Variants in DPY19L4 observed in about 807,000 individuals in gnomAD.
The protein encoded by DPY19L4 is dpy-19 like 4, also known as probable C-mannosyltransferase DPY19L4.
DPY19L4 carries 97 observed loss-of-function variants against 102.8 expected under a neutral mutation model. The observed-to-expected ratio is 0.94, with a 90% CI of 0.80 to 1.12. The LOEUF (loss-of-function observed/expected upper bound fraction) is 1.12, where lower values mean the gene tolerates loss of function less well. Ranked by LOEUF, DPY19L4 falls within the 50% of genes most tolerant of loss-of-function variation. The pLI is 0.00. For missense variants in DPY19L4, 815 were observed against 850.4 expected, an observed-to-expected ratio of 0.96 and a Z score of 0.52; for synonymous variants, 252 against 283.1, an observed-to-expected ratio of 0.89 and a Z score of 1.10.
rs761228947 is a variant in DPY19L4 at position 94,739,657 on chromosome 8, C to T, written c.478C>T (p.Pro160Ser). Residue 160 changes from proline to serine, a missense_variant, in exon 6 of 19, where the codon CCA becomes TCA. By Grantham distance (74) the Pro-to-Ser change is moderately conservative. Coordinates refer to ENST00000414645, the MANE Select transcript of DPY19L4 (RefSeq NM_181787.3). ...TTTTTCCACATAGGAGATTATTGAG[C>T]CAGTGTATTTCTATATTGGCATTGT... Reference protein sequence around the residue: ...QATGSNEIIEPVYFYIGIVFG... With the variant: ...QATGSNEIIESVYFYIGIVFG... 1 of 1,613,856 alleles carries T rather than the reference C, an allele frequency of 6.2e-7. No homozygotes were observed. Among genetic ancestry groups the T allele is most frequent in the Admixed American group, 1.7e-5 (1 of 59,992 alleles).
intron 1 of DPY19L4, among the ~76,000 whole-genome samples, chr8:94,722,589 TAA>T (rs1354700847): frequency 1.3e-5 from 2 of 152,180 alleles, no homozygotes; most frequent in African/African-American, 4.8e-5. Context: ...TGCAAGGATA[TAA>T]TAGTCAACAA....
At chr8:94,720,114 G>A in intron 1 of DPY19L4, 100 bp downstream of exon 1, 1 of 1,408,718 alleles carries the variant, frequency 7.1e-7, no homozygotes, top group Non-Finnish European at 9.2e-7. Context: ...GGTGGCCGCG[G>A]TCGCGGTGGC....
At chr8:94,750,579 A>G (rs911401538) in intron 6 of DPY19L4, among the ~76,000 whole-genome samples, 69 of 151,304 alleles carry the variant, frequency 4.6e-4, no homozygotes, top group East Asian at 5.8e-4. Flanking sequence ...GTGTGTGTGT[A>G]TATATATGCA....
At chr8:94,756,260 A>G in intron 7 of DPY19L4, 101 bp downstream of exon 7, 1 of 1,443,378 alleles carries the variant, frequency 6.9e-7, no homozygotes, top group Non-Finnish European at 9.3e-7. Flanking sequence ...GAATTAAATC[A>G]TATTTAATGA....
At position 94,783,689 on chromosome 8, in the gene DPY19L4, G is replaced by A; in HGVS notation, c.1735G>A (p.Ala579Thr). 1 of 1,613,984 alleles carries A rather than the reference G, an allele frequency of 6.2e-7. No homozygotes were observed. Among genetic ancestry groups the A allele is most frequent in the Non-Finnish European group, 8.5e-7 (1 of 1,179,970 alleles). Residue 579 changes from alanine to threonine, a missense_variant, in exon 17 of 19, where the codon GCT becomes ACT. By Grantham distance (58) the Ala-to-Thr change is moderately conservative. Coordinates refer to ENST00000414645, the MANE Select transcript of DPY19L4 (RefSeq NM_181787.3). The part of the protein sequence containing the change: ...TWIKRQAPVA[A>T]VFAGSPQLMG... ...TTGCAGAAGGCAAGCTCCAGTTGCA[G>A]CTGTGTTTGCAGGGAGTCCACAGTT...
At chr8:94,784,027 T>C (rs895753498) in intron 17 of DPY19L4, among the ~76,000 whole-genome samples, 2 of 152,234 alleles carry the variant, frequency 1.3e-5, no homozygotes, top group South Asian at 4.1e-4. Flanking sequence ...AATACTGATA[T>C]GTTTCTAGGA....
chr8:94,765,484 C>G (rs1333748921), intron 9 of DPY19L4, among the ~76,000 whole-genome samples, 170 bp downstream of exon 9: 1 of 151,870 alleles, frequency 6.6e-6, no homozygotes, highest in African/African-American at 2.4e-5. Context: ...TACAAGCATG[C>G]GCCACCACAC....
intron 6 of DPY19L4, among the ~76,000 whole-genome samples, chr8:94,753,962 G>T (rs1463953220): frequency 6.6e-6 from 1 of 152,034 alleles, no homozygotes; most frequent in Non-Finnish European, 1.5e-5. Flanking sequence ...CAGGCAGATT[G>T]TTTGAACCCA....
intron 6 of DPY19L4, among the ~76,000 whole-genome samples, chr8:94,755,517 T>G (rs1185060368): frequency 6.6e-6 from 1 of 152,156 alleles, no homozygotes; most frequent in Non-Finnish European, 1.5e-5. Context: ...CACCAAGTAG[T>G]GCACAGTAGC....
chr8:94,773,592 G>A (rs991968227), intron 13 of DPY19L4, among the ~76,000 whole-genome samples: 3 of 151,848 alleles, frequency 2.0e-5, no homozygotes, highest in East Asian at 2.0e-4. Flanking sequence ...CACCACGCCC[G>A]GCTGATTTTG....
intron 1 of DPY19L4, 32 bp from the exon 2 acceptor site, chr8:94,726,299 A>G (rs768828213): frequency 3.9e-6 from 6 of 1,554,918 alleles, no homozygotes; most frequent in Non-Finnish European, 5.2e-6. Context: ...AATTTTATAC[A>G]CACATTGCAA....
At position 94,781,099 on chromosome 8, in the gene DPY19L4, A is replaced by G. The variant is rs1813411591; in HGVS notation, c.1648A>G (p.Met550Val). The change falls in exon 16 of 19, where the codon ATG (methionine) becomes GTG (valine). Residue 550 changes from methionine to valine, a missense_variant. Physicochemically the swap from Met to Val is conservative, Grantham distance 21. Coordinates refer to ENST00000414645, the MANE Select transcript of DPY19L4 (RefSeq NM_181787.3). ...SLWKEFFPRL[M>V]TELMELQEFY... The stretch of plus-strand genomic sequence containing the variant: ...TGCATTTTAGTTTTTTCCCAGATTA[A>G]TGACAGAATTAATGGAACTACAGGA... The G allele has an allele frequency of 1.3e-6, 2 of 1,571,570 alleles. No homozygotes were observed. Among genetic ancestry groups the G allele is most frequent in the Admixed American group, 2.0e-5 (1 of 50,050 alleles).
intron 8 of DPY19L4, among the ~76,000 whole-genome samples, chr8:94,762,247 T>C (rs2130877579): frequency 6.6e-6 from 1 of 152,298 alleles, no homozygotes; most frequent in South Asian, 2.1e-4. Flanking sequence ...GGCTGGCTGC[T>C]CTTGGGTTTC....
intron 6 of DPY19L4, among the ~76,000 whole-genome samples, chr8:94,747,752 G>T (rs1342566114): frequency 6.6e-6 from 1 of 151,836 alleles, no homozygotes; most frequent in Non-Finnish European, 1.5e-5. Flanking sequence ...AGTAGAGATG[G>T]GGTTTCACCA....
intron 6 of DPY19L4, among the ~76,000 whole-genome samples, chr8:94,753,954 G>A (rs943739633): frequency 6.6e-6 from 1 of 152,070 alleles, no homozygotes; most frequent in Non-Finnish European, 1.5e-5. Context: ...AGCCAAGGCA[G>A]GCAGATTGTT....
chr8:94,790,002 C>T lies in DPY19L4; in HGVS notation c.*92C>T. The T allele has an allele frequency of 8.1e-7, 1 of 1,229,534 alleles. No homozygotes were observed. The highest frequency in any genetic ancestry group is 1.1e-6 in the Non-Finnish European group (1 of 878,564). The allele number at this position is 1,229,534 out of a possible 1,614,324, so 76.2% of individuals were successfully genotyped here. On this transcript the variant is annotated 3_prime_UTR_variant, in exon 19 of 19. Coordinates refer to ENST00000414645, the MANE Select transcript of DPY19L4 (RefSeq NM_181787.3). ...TGTCTTTTGCAGATCAGAGTATGGA[C>T]ATTTGAAATATTGCTGCTTCTTTCC...
intron 12 of DPY19L4, among the ~76,000 whole-genome samples, chr8:94,769,068 T>G (rs941783038): frequency 4.0e-5 from 6 of 149,484 alleles, no homozygotes; most frequent in Admixed American, 1.3e-4. Flanking sequence ...TTTTGTTTTT[T>G]TTTTTTTTTT....
intron 2 of DPY19L4, among the ~76,000 whole-genome samples, chr8:94,728,404 T>C (rs954815021): frequency 1.3e-5 from 2 of 152,250 alleles, no homozygotes; most frequent in Non-Finnish European, 2.9e-5. Context: ...TGGTCCTTGA[T>C]TTTACACTCT....
chr8:94,750,844 G>A (rs527946077), intron 6 of DPY19L4, among the ~76,000 whole-genome samples: 33 of 150,430 alleles, frequency 2.2e-4, no homozygotes, highest in African/African-American at 3.2e-4. Context: ...GTGCAGTGGC[G>A]CAATCTCGGC....
Sources: allele counts gnomAD v4.1 joint callset (sites outside exome capture counted in the v4.1 genomes callset), GRCh38; gene constraint gnomAD v4.1.1; transcripts MANE v1.5; gene names NCBI Gene and HGNC (gene_info 2026-07-23, HGNC 2026-07-21).